Variants in FREM1 observed in about 807,000 individuals in gnomAD.
FREM1 encodes FRAS1-related extracellular matrix protein 1.
A neutral mutation model predicts 210.1 loss-of-function variants in FREM1; 220 were observed. The observed-to-expected ratio is 1.05, with a 90% CI of 0.94 to 1.17. FREM1 has a LOEUF of 1.17. Ranked by LOEUF, FREM1 falls within the 50% of genes most tolerant of loss-of-function variation. The probability of loss-of-function intolerance (pLI) is 0.00; values close to 1 mark genes in which losing one functional copy is unlikely to be tolerated. For missense variants in FREM1, 3,454 were observed against 2,675.5 expected (o/e 1.29, Z -6.42); for synonymous variants, 1,189 against 980.2 (o/e 1.21, Z -3.98).
chr9:14,875,551 T>C (rs1419870665), intron 1 of FREM1, among the ~76,000 whole-genome samples: 1 of 152,186 alleles, frequency 6.6e-6, no homozygotes, highest in Admixed American at 6.5e-5. Context: ...CTTCTCTGTA[T>C]TGGTTATTCT....
chr9:14,776,269 G>A, intron 24 of FREM1, 66 bp from the exon 25 acceptor site: 2 of 1,471,770 alleles, frequency 1.4e-6, no homozygotes, highest in Middle Eastern at 1.8e-4. Context: ...GGAATGAAAT[G>A]ATAACAATAC....
At chr9:14,904,166 A>ATAGAGAC (rs1301237728) in intron 1 of FREM1, among the ~76,000 whole-genome samples, 1 of 151,034 alleles carries the variant, frequency 6.6e-6, no homozygotes, top group African/African-American at 2.4e-5. Context: ...ATTCTGGGTT[A>ATAGAGAC]TAGAGACTAG....
intron 5 of FREM1, 57 bp from the exon 6 acceptor site, chr9:14,851,664 T>C (rs1366026149): frequency 7.5e-6 from 9 of 1,196,692 alleles, no homozygotes; most frequent in Non-Finnish European, 1.1e-5. Flanking sequence ...GGTGATATCA[T>C]ACAGGGCTAA....
intron 3 of FREM1, among the ~76,000 whole-genome samples, chr9:14,860,592 T>TATACACATATATATATACACATATATAG (rs1554707110): frequency 9.6e-6 from 1 of 103,680 alleles, no homozygotes; most frequent in Non-Finnish European, 2.0e-5. Context: ...CACATATATA[T>TATACACATATATATATACACATATATAG]ACATATATAC....
chr9:14,836,908 T>C lies in FREM1; in HGVS notation c.1881+4539A>G, dbSNP rs1378425179. On this transcript the variant is annotated intron_variant, in intron 10 of 36. Coordinates refer to ENST00000380880, the MANE Select transcript of FREM1 (RefSeq NM_001379081.2). The surrounding 1 kb of genome is among the most constrained non-coding windows in gnomAD (Gnocchi z 4.9). Reference sequence around the variant, plus strand: ...GGTAGGAGTTATTAAGAAAAAGAAATTATTTTATGCAGATAGAGAGGAAAA... The same window carrying C: ...GGTAGGAGTTATTAAGAAAAAGAAACTATTTTATGCAGATAGAGAGGAAAA... Among the ~76,000 whole-genome samples, 7 of 152,160 alleles carry C rather than the reference T, an allele frequency of 4.6e-5. No individual in the cohort carries two copies. The highest frequency in any genetic ancestry group is 4.6e-4 in the Admixed American group (7 of 15,274).
At chr9:14,758,280 A>G (rs1032701089) in intron 28 of FREM1, among the ~76,000 whole-genome samples, 1 of 152,204 alleles carries the variant, frequency 6.6e-6, no homozygotes, top group Non-Finnish European at 1.5e-5. Flanking sequence ...ATAAATAAGC[A>G]TAAGGTTCCA....
At chr9:14,848,288 G>C (rs189485505) in intron 7 of FREM1, among the ~76,000 whole-genome samples, 17 of 152,322 alleles carry the variant, frequency 1.1e-4, no homozygotes, top group Admixed American at 5.2e-4. Flanking sequence ...CATAAAAATA[G>C]ACTATAGATT....
Position 14,784,617 on chromosome 9 carries a change from T to C in FREM1, c.4195A>G (p.Thr1399Ala). 1 of 1,586,022 alleles carries C rather than the reference T, an allele frequency of 6.3e-7. No individual in the cohort carries two copies. Among genetic ancestry groups the C allele is most frequent in the Non-Finnish European group, 8.6e-7 (1 of 1,164,086 alleles). Reference sequence around the variant, plus strand: ...CCTTTAGACACCACGAGTGGTTTTGTAAGGATGACAATATCACCTACATGA... The same window carrying C: ...CCTTTAGACACCACGAGTGGTTTTGCAAGGATGACAATATCACCTACATGA... Reference protein sequence around the residue: ...DMEKGDIVILTKPLVVSKGDR... With the variant: ...DMEKGDIVILAKPLVVSKGDR... The change falls in exon 24 of 37, where the codon ACA becomes GCA. Residue 1399 changes from threonine (T) to alanine (A), a missense_variant. Transcript: ENST00000380880.
chr9:14,746,971 C>A lies in FREM1; in HGVS notation c.6090G>T (p.Leu2030=). The change falls in exon 34 of 37, where the codon CTG becomes CTT. Residue 2030 remains leucine, a synonymous_variant. Transcript: ENST00000380880. ...LFHFEEGIQK[L]YQCNGIAWKA... The stretch of plus-strand genomic sequence containing the variant: ...TCCAGGCGATCCCATTGCACTGATA[C>A]AGCTTCTGGATGCCTTCTTCAAAAT... The A allele has an allele frequency of 6.2e-7, 1 of 1,613,436 alleles. No homozygotes were observed. Among genetic ancestry groups the A allele is most frequent in the Non-Finnish European group, 8.5e-7 (1 of 1,179,692 alleles).
At chr9:14,819,868 T>C (rs1195355980) in intron 13 of FREM1, among the ~76,000 whole-genome samples, 1 of 152,210 alleles carries the variant, frequency 6.6e-6, no homozygotes, top group Non-Finnish European at 1.5e-5. Context: ...AAAGGTTTCA[T>C]CTACTTTTCA....
rs780403738 is a variant in FREM1 at position 14,842,571 on chromosome 9, C to T, written c.1483G>A (p.Val495Met). ...HDDSDSTKDFVVFRIFDGHHS... is the reference protein window; with the variant it reads ...HDDSDSTKDFMVFRIFDGHHS... ...TGGCCATCAAATATCCGGAAGACCA[C>T]GAAGTCTTTGGTGGAGTCGCTGTCA... Residue 495 changes from valine (V) to methionine (M), a missense_variant, in exon 9 of 37, where the codon GTG (valine) becomes ATG (methionine). Val to Met is a conservative substitution (Grantham distance 21). Coordinates refer to ENST00000380880, the MANE Select transcript of FREM1 (RefSeq NM_001379081.2). 14 of 1,613,822 alleles carry T rather than the reference C, an allele frequency of 8.7e-6. No individual in the cohort carries two copies. The highest frequency in any genetic ancestry group is 3.3e-5 in the South Asian group (3 of 91,084).
chr9:14,743,946 C>G (rs1201876311), intron 35 of FREM1, among the ~76,000 whole-genome samples: 1 of 152,046 alleles, frequency 6.6e-6, no homozygotes, highest in Non-Finnish European at 1.5e-5. Flanking sequence ...TAAATGACAT[C>G]TAGTTAAGAT....
chr9:14,819,127 G>C (rs1820820307), intron 14 of FREM1, 107 bp downstream of exon 14: 4 of 692,152 alleles, frequency 5.8e-6, no homozygotes, highest in South Asian at 2.4e-5. Context: ...GTGGCATGTT[G>C]GTATCCTTTA....
rs1188400222 is a variant in FREM1 at position 14,775,899 on chromosome 9, C to G, written c.4747G>C (p.Gly1583Arg). Residue 1583 changes from glycine (G) to arginine (R), a missense_variant, in exon 25 of 37, where the codon GGA becomes CGA. By Grantham distance (125) the Gly-to-Arg change is moderately radical. Coordinates refer to ENST00000380880, the MANE Select transcript of FREM1 (RefSeq NM_001379081.2). Reference sequence around the variant, plus strand: ...AAGCAGTCAGTCTGGGAGTCCCCTCCTGAGTGCCGATAGGCCACATTCTTG... The same window carrying G: ...AAGCAGTCAGTCTGGGAGTCCCCTCGTGAGTGCCGATAGGCCACATTCTTG... ...DSKNVAYRHS[G>R]GDSQTDCFTF... 6.2e-7 allele frequency: 1 copy of G among 1,613,958 alleles called. No individual in the cohort carries two copies. Among genetic ancestry groups the G allele is most frequent in the Non-Finnish European group, 8.5e-7 (1 of 1,179,858 alleles).
chr9:14,770,229 A>G (rs1421453657), intron 26 of FREM1, among the ~76,000 whole-genome samples: 1 of 152,190 alleles, frequency 6.6e-6, no homozygotes, highest in Non-Finnish European at 1.5e-5. Flanking sequence ...CATTAGGAAA[A>G]AAACCAAGAA....
chr9:14,874,161 G>A (rs568656975), intron 1 of FREM1, among the ~76,000 whole-genome samples: 5 of 152,194 alleles, frequency 3.3e-5, no homozygotes, highest in Middle Eastern at 3.4e-3. Flanking sequence ...TGGGGTGGAG[G>A]GTTCTGCAGA....
intron 17 of FREM1, 44 bp from the exon 18 acceptor site, chr9:14,806,890 T>C: frequency 7.6e-7 from 1 of 1,313,628 alleles, no homozygotes; most frequent in East Asian, 2.4e-5. Flanking sequence ...CATGAAATCC[T>C]CTAAACAGAC....
chr9:14,746,977 C>G lies in FREM1; in HGVS notation c.6084G>C (p.Gln2028His). 1 of 1,613,396 alleles carries G rather than the reference C, an allele frequency of 6.2e-7. No individual in the cohort carries two copies. Among genetic ancestry groups the G allele is most frequent in the Non-Finnish European group, 8.5e-7 (1 of 1,179,684 alleles). Residue 2028 changes from glutamine (Q) to histidine (H), a missense_variant, in exon 34 of 37, where the codon CAG becomes CAC. By Grantham distance (24) the Gln-to-His change is conservative (BLOSUM62 0). Coordinates refer to ENST00000380880, the MANE Select transcript of FREM1 (RefSeq NM_001379081.2). Reference protein sequence around the residue: ...KGLFHFEEGIQKLYQCNGIAW... With the variant: ...KGLFHFEEGIHKLYQCNGIAW... ...CGATCCCATTGCACTGATACAGCTTCTGGATGCCTTCTTCAAAATGGAAGA... is the reference window on the plus strand; with the variant it reads ...CGATCCCATTGCACTGATACAGCTTGTGGATGCCTTCTTCAAAATGGAAGA...
intron 20 of FREM1, among the ~76,000 whole-genome samples, chr9:14,798,979 G>A (rs1852986495): frequency 1.3e-5 from 2 of 151,058 alleles, no homozygotes; most frequent in Admixed American, 6.6e-5. Flanking sequence ...CGGTCTCCAT[G>A]TTTTAAAAGT....
Sources: allele counts gnomAD v4.1 joint callset (sites outside exome capture counted in the v4.1 genomes callset), GRCh38; gene constraint gnomAD v4.1.1; non-coding constraint Gnocchi (gnomAD v3.1); transcripts MANE v1.5; gene names NCBI Gene and HGNC (gene_info 2026-07-23, HGNC 2026-07-21).